PDSS2: variants seen among roughly 807,000 people sequenced by gnomAD.
PDSS2 encodes the protein all trans-polyprenyl-diphosphate synthase PDSS2.
In PDSS2, 31 loss-of-function variants were observed where a neutral mutation model predicts 44.5. That is an observed-to-expected ratio of 0.70 (90% CI 0.52 to 0.94). The LOEUF (loss-of-function observed/expected upper bound fraction) is 0.94. Ranked by LOEUF, PDSS2 falls within the 40% of genes least tolerant of loss-of-function variation. The pLI, the probability that PDSS2 is intolerant of heterozygous loss-of-function variation, is 0.00. For missense variants in PDSS2, 452 were observed against 482.2 expected (o/e 0.94, Z 0.59); for synonymous variants, 157 against 180.3 (o/e 0.87, Z 1.03).
intron 1 of PDSS2, among the ~76,000 whole-genome samples, chr6:107,369,323 C>G (rs1442862836): frequency 6.6e-6 from 1 of 152,090 alleles, no homozygotes; most frequent in East Asian, 1.9e-4. Context: ...GAGGCTGAGG[C>G]AGGGGAATTG....
At chr6:107,302,440 A>AT (rs35098231) in intron 2 of PDSS2, among the ~76,000 whole-genome samples, 3,292 of 151,600 alleles carry the variant, frequency 0.022, 53 homozygotes, top group South Asian at 0.066. Context: ...TGCCTGGCTA[A>AT]TTTTTTTTAT....
intron 1 of PDSS2, among the ~76,000 whole-genome samples, chr6:107,389,124 G>A (rs557335287): frequency 1.3e-5 from 2 of 152,250 alleles, no homozygotes; most frequent in East Asian, 3.9e-4. Context: ...TTAGGGTGAT[G>A]GAACTATTTT....
At chr6:107,206,002 A>G (rs1772961818) in intron 6 of PDSS2, among the ~76,000 whole-genome samples, 1 of 152,252 alleles carries the variant, frequency 6.6e-6, no homozygotes, top group Admixed American at 6.5e-5. Flanking sequence ...AAATGTGGTA[A>G]TAAGAAATCA....
At chr6:107,429,026 C>T (rs1781089574) in intron 1 of PDSS2, among the ~76,000 whole-genome samples, 1 of 152,154 alleles carries the variant, frequency 6.6e-6, no homozygotes, top group Admixed American at 6.5e-5. Context: ...TACCTGACAC[C>T]AGCACTCCCA....
At chr6:107,245,031 T>C (rs1774561271) in intron 4 of PDSS2, among the ~76,000 whole-genome samples, 1 of 152,168 alleles carries the variant, frequency 6.6e-6, no homozygotes, top group African/African-American at 2.4e-5. Flanking sequence ...CCTATAAAAT[T>C]AATCAAAATA....
chr6:107,280,185 G>A (rs772472536), intron 2 of PDSS2, among the ~76,000 whole-genome samples: 3 of 152,002 alleles, frequency 2.0e-5, no homozygotes, highest in East Asian at 3.9e-4. Flanking sequence ...TCAGCCTCCC[G>A]AGTAGCTAGG....
chr6:107,166,530 A>AT (rs770796719), intron 7 of PDSS2, among the ~76,000 whole-genome samples: 2 of 151,528 alleles, frequency 1.3e-5, no homozygotes, highest in African/African-American at 4.8e-5. Context: ...ACGCCTGGCT[A>AT]TTTTTTTGTA....
At position 107,388,049 on chromosome 6, in the gene PDSS2, T is replaced by C. The variant is rs143706983; in HGVS notation, c.297-53717A>G. 1.4e-3 allele frequency among the ~76,000 whole-genome samples: 211 copies of C among 152,280 alleles called. 3 individuals are homozygous for C. The highest frequency in any genetic ancestry group is 4.8e-3 in the African/African-American group (199 of 41,558). On this transcript the variant is annotated intron_variant, in intron 1 of 7. Transcript: ENST00000369037. ...CTACCATTATTTAAATTAGATGATC[T>C]AAAACCATGCTAATGGGGAAAACCC...
In PDSS2 at chr6:107,161,482, GAA is replaced by G. The variant is rs529825329; in HGVS notation, c.1042-6707_1042-6706del. 7.9e-3 allele frequency among the ~76,000 whole-genome samples: 950 copies of G among 119,672 alleles called. 11 individuals carry two copies. The highest frequency in any genetic ancestry group is 0.029 in the African/African-American group (846 of 29,650). 78.5% of individuals were successfully genotyped at this position (119,672 alleles called of 152,430 possible). A position where few individuals can be genotyped will look rare whatever the true frequency, so the allele number is the denominator to read the frequency against. On this transcript the variant is annotated intron_variant, in intron 7 of 7. Coordinates refer to ENST00000369037, the MANE Select transcript of PDSS2 (RefSeq NM_020381.4). The stretch of plus-strand genomic sequence containing the variant: ...GTGACAGAGCGAGACTCCGTCTCAG[GAA>G]AAAAAAAAAAAAAAAGAAATTTGTA...
intron 1 of PDSS2, among the ~76,000 whole-genome samples, chr6:107,346,574 C>T (rs1336517466): frequency 6.6e-6 from 1 of 152,106 alleles, no homozygotes; most frequent in African/African-American, 2.4e-5. Flanking sequence ...TAGTGCCTGG[C>T]ACACAGGACA....
chr6:107,420,917 T>C (rs1182598373), intron 1 of PDSS2, among the ~76,000 whole-genome samples: 1 of 151,940 alleles, frequency 6.6e-6, no homozygotes, highest in East Asian at 1.9e-4. Context: ...ATGAGCCACA[T>C]ACTAGAAGAA....
intron 1 of PDSS2, among the ~76,000 whole-genome samples, chr6:107,432,068 G>C (rs1027761666): frequency 3.3e-5 from 5 of 152,194 alleles, no homozygotes; most frequent in Admixed American, 6.5e-5. Context: ...AAATTAGTTA[G>C]AATTGTGAAC....
chr6:107,282,924 A>G (rs889254858), intron 2 of PDSS2, among the ~76,000 whole-genome samples: 10 of 148,008 alleles, frequency 6.8e-5, no homozygotes, highest in African/African-American at 1.5e-4. Flanking sequence ...GGGTCTCCCT[A>G]TGTTGCCCAG....
chr6:107,438,153 T>A (rs541376459), intron 1 of PDSS2, among the ~76,000 whole-genome samples: 1 of 152,312 alleles, frequency 6.6e-6, no homozygotes, highest in Admixed American at 6.5e-5. Context: ...CCTGTCTATA[T>A]TTAATTAGAC....
At chr6:107,284,726 C>A (rs1044370343) in intron 2 of PDSS2, among the ~76,000 whole-genome samples, 1 of 151,884 alleles carries the variant, frequency 6.6e-6, no homozygotes, top group Non-Finnish European at 1.5e-5. Context: ...CTTCATTCCT[C>A]TTTCAGACTT....
At chr6:107,226,084 G>A (rs1428669858) in intron 4 of PDSS2, among the ~76,000 whole-genome samples, 1 of 152,174 alleles carries the variant, frequency 6.6e-6, no homozygotes, top group African/African-American at 2.4e-5. Context: ...CGAGGCAGGA[G>A]GATCATGAGG....
At chr6:107,352,711 A>AT (rs1372460191) in intron 1 of PDSS2, among the ~76,000 whole-genome samples, 1 of 152,178 alleles carries the variant, frequency 6.6e-6, no homozygotes, top group Non-Finnish European at 1.5e-5. Flanking sequence ...AACTCGGGTG[A>AT]TTTTACCTTT....
intron 1 of PDSS2, among the ~76,000 whole-genome samples, chr6:107,391,011 T>C (rs1779762046): frequency 6.6e-6 from 1 of 151,320 alleles, no homozygotes; most frequent in African/African-American, 2.4e-5. Context: ...TACAAAATAA[T>C]GCTTCAAATA....
chr6:107,269,819 A>G (rs949990320), intron 3 of PDSS2, among the ~76,000 whole-genome samples: 2 of 152,034 alleles, frequency 1.3e-5, no homozygotes, highest in Non-Finnish European at 2.9e-5. Flanking sequence ...GGCATGCACC[A>G]CCACCTCTGG....
Sources: allele counts gnomAD v4.1 joint callset (sites outside exome capture counted in the v4.1 genomes callset), GRCh38; gene constraint gnomAD v4.1.1; transcripts MANE v1.5; gene names NCBI Gene and HGNC (gene_info 2026-07-23, HGNC 2026-07-21).